PCYT1B: variants seen among roughly 807,000 people sequenced by gnomAD.
PCYT1B encodes choline-phosphate cytidylyltransferase B.
PCYT1B carries 10 observed loss-of-function variants against 26.4 expected under a neutral mutation model. The observed-to-expected ratio is 0.38, with a 90% CI of 0.23 to 0.64. The LOEUF is 0.64. PCYT1B is among the 30% of genes least tolerant of loss of function. The pLI is 0.56. For missense variants in PCYT1B, 161 were observed against 292.7 expected, an observed-to-expected ratio of 0.55 and a Z score of 3.28; for synonymous variants, 131 against 108.4, an observed-to-expected ratio of 1.21 and a Z score of -1.29.
chrX:24,650,476 C>G (rs1012025230), upstream of PCYT1B, among the ~76,000 whole-genome samples: 3 of 110,464 alleles, frequency 2.7e-5, no homozygotes, highest in African/African-American at 6.6e-5. Context: ...TATGCCACCA[C>G]TCCTGTCTAA....
At chrX:24,653,077 A>T (rs1926819078) in intron 1 of PCYT1B, among the ~76,000 whole-genome samples, 1 of 112,098 alleles carries the variant, frequency 8.9e-6, no homozygotes, top group Admixed American at 9.4e-5. Context: ...GACAGAGGAG[A>T]CTCCATCTTA....
At chrX:24,593,793 C>T (rs1222183624) in intron 3 of PCYT1B, among the ~76,000 whole-genome samples, 1 of 110,893 alleles carries the variant, frequency 9.0e-6, no homozygotes, top group East Asian at 2.8e-4. Context: ...TCCCAAAGTG[C>T]TGGGATTATA....
intron 2 of PCYT1B, among the ~76,000 whole-genome samples, chrX:24,618,154 C>T (rs1247225323): frequency 1.8e-5 from 2 of 111,791 alleles, no homozygotes; most frequent in Admixed American, 9.6e-5. Context: ...CCTATCCATC[C>T]TCTGGCATAA....
chrX:24,649,607 T>C (rs189635061), upstream of PCYT1B, among the ~76,000 whole-genome samples: 321 of 112,145 alleles, frequency 2.9e-3, no homozygotes, highest in African/African-American at 1.0e-2. Flanking sequence ...GGTTCACCTG[T>C]TCACCTGCTC....
intron 1 of PCYT1B, among the ~76,000 whole-genome samples, chrX:24,628,674 A>G (rs1276945647): frequency 9.0e-6 from 1 of 111,436 alleles, no homozygotes; most frequent in Non-Finnish European, 1.9e-5. Context: ...TTCACTCAAT[A>G]TATCATGATT....
chrX:24,590,024 T>C lies in PCYT1B; in HGVS notation c.485A>G (p.Lys162Arg), dbSNP rs770144930. Residue 162 changes from lysine (K) to arginine (R), a missense_variant and splice_region_variant, in exon 4 of 8, where the codon AAG (lysine) becomes AGG (arginine). Physicochemically the swap from Lys to Arg is conservative, Grantham distance 26. Coordinates refer to ENST00000379144, the MANE Select transcript of PCYT1B (RefSeq NM_004845.5). ...AGAATGTGGGAGAATGAGAAGTACC[T>C]TGTGTTTTTCCAGAAACTCTGGCGT... is the stretch of plus-strand genomic sequence containing the variant. The part of the protein sequence containing the change: ...TLTPEFLEKH[K>R]IDFVAHDDIP... 1 of 1,200,983 alleles carries C rather than the reference T, an allele frequency of 8.3e-7. No homozygotes were observed. The highest frequency in any genetic ancestry group is 1.8e-5 in the South Asian group (1 of 55,178).
intron 1 of PCYT1B, among the ~76,000 whole-genome samples, chrX:24,655,500 C>T (rs140555435): frequency 8.9e-5 from 10 of 112,211 alleles, no homozygotes; most frequent in South Asian, 7.4e-4. Flanking sequence ...AACACAGTTG[C>T]GGCCAAGTGC....
chrX:24,610,176 A>G (rs1026418520), intron 2 of PCYT1B, among the ~76,000 whole-genome samples: 4 of 111,732 alleles, frequency 3.6e-5, no homozygotes, highest in African/African-American at 1.3e-4. Flanking sequence ...CTTCTGTTAA[A>G]TGATCTTTAA....
intron 7 of PCYT1B, among the ~76,000 whole-genome samples, chrX:24,568,281 CCAA>C (rs1219186114): frequency 1.2e-4 from 13 of 112,041 alleles, no homozygotes; most frequent in Non-Finnish European, 2.1e-4. Flanking sequence ...GCCTATAATC[CCAA>C]CACTTTGGGA....
rs760857283 is a variant in PCYT1B at position 24,613,089 on chromosome X, A to G, written c.218-5228T>C. Among the ~76,000 whole-genome samples the G allele has an allele frequency of 2.7e-5, 3 of 112,053 alleles. No individual in the cohort carries two copies. The East Asian group carries it at 8.4e-4, about 31-fold the overall frequency. On this transcript the variant is annotated intron_variant, in intron 2 of 7. Transcript: ENST00000379144. Reference sequence around the variant, plus strand: ...TCAGTGAAGTTAAGCATCTTACCCAATGTCATACAACCAATTTACGATGAT... The same window carrying G: ...TCAGTGAAGTTAAGCATCTTACCCAGTGTCATACAACCAATTTACGATGAT...
At chrX:24,618,473 T>C (rs907792380) in intron 2 of PCYT1B, among the ~76,000 whole-genome samples, 3 of 111,795 alleles carry the variant, frequency 2.7e-5, no homozygotes, top group African/African-American at 9.7e-5. Flanking sequence ...CCCTGTATTC[T>C]GATGCATCTT....
At chrX:24,629,583 A>C (rs916973183) in intron 1 of PCYT1B, among the ~76,000 whole-genome samples, 1 of 100,405 alleles carries the variant, frequency 1.0e-5, no homozygotes, top group Non-Finnish European at 2.1e-5. Context: ...AAAAAAAAAA[A>C]AAAAAAACAA....
chrX:24,662,986 C>T (rs142593326), intron 1 of PCYT1B, among the ~76,000 whole-genome samples: 5,483 of 111,705 alleles, frequency 0.049, 221 homozygotes, highest in African/African-American at 0.13. Context: ...ACACCCATGA[C>T]AAACAATTTT....
exon 1 of PCYT1B, chrX:24,672,574 C>A (rs773373608): frequency 3.3e-6 from 4 of 1,200,895 alleles, no homozygotes; most frequent in South Asian, 1.8e-5. Flanking sequence ...CATTACCTTG[C>A]GCCACAATTG....
chrX:24,579,305 G>A lies in PCYT1B; in HGVS notation c.708+11C>T, dbSNP rs780086019. 16 of 1,207,681 alleles carry A rather than the reference G, an allele frequency of 1.3e-5. No homozygotes were observed. The Middle Eastern group carries it at 1.4e-3, about 107-fold the overall frequency. ...TGGTGGTCTTCAGAGGGTTTGAGGT[G>A]GCATGCTTACATTTATAAAGCTGAC... On this transcript the variant is annotated intron_variant, in intron 6 of 7. Coordinates refer to ENST00000379144, the MANE Select transcript of PCYT1B (RefSeq NM_004845.5).
upstream of PCYT1B, among the ~76,000 whole-genome samples, chrX:24,649,020 G>C (rs193284507): frequency 1.3e-4 from 14 of 111,981 alleles, no homozygotes; most frequent in East Asian, 3.9e-3. Context: ...CAGTTTGACA[G>C]TTTTAGATGC....
At chrX:24,637,370 G>A (rs1193516944) in intron 1 of PCYT1B, among the ~76,000 whole-genome samples, 3 of 103,151 alleles carry the variant, frequency 2.9e-5, no homozygotes, top group Non-Finnish European at 3.9e-5. Flanking sequence ...GGCCGGGCAC[G>A]GTGGCTCACG....
At position 24,576,286 on chromosome X, in the gene PCYT1B, TA is replaced by T. The variant is rs767975433; in HGVS notation, c.709-969del. ...ATCATTTTTCTTTACTATGTGGGAC[TA>T]AAGTTCATTTTGTGTTTCAGAATTT... On this transcript the variant is annotated intron_variant, in intron 6 of 7. Transcript: ENST00000379144. Among the ~76,000 whole-genome samples the T allele has an allele frequency of 4.5e-5, 5 of 112,259 alleles. No individual in the cohort carries two copies. In the South Asian group the frequency reaches 1.9e-3, roughly 42 times the overall value.
chrX:24,657,832 CCTT>C lies in PCYT1B; in HGVS notation c.63+14735_63+14737del, dbSNP rs58607269. ...ATGTGCATATTAATCCAGTTTTTCTCCTTCTAGGATGAATTTTCTTAAAGTAGA... is the reference window on the plus strand; with the variant it reads ...ATGTGCATATTAATCCAGTTTTTCTCCTAGGATGAATTTTCTTAAAGTAGA... On this transcript the variant is annotated intron_variant, in intron 1 of 7. Coordinates refer to the PCYT1B transcript ENST00000379145. Among the ~76,000 whole-genome samples the C allele has an allele frequency of 7.7e-3, 864 of 111,991 alleles. 10 individuals carry two copies. The highest frequency in any genetic ancestry group is 0.027 in the African/African-American group (819 of 30,876).
Sources: allele counts gnomAD v4.1 joint callset (sites outside exome capture counted in the v4.1 genomes callset), GRCh38; gene constraint gnomAD v4.1.1; transcripts MANE v1.5; gene names NCBI Gene and HGNC (gene_info 2026-07-23, HGNC 2026-07-21).